ASTN2: variants seen among roughly 807,000 people sequenced by gnomAD.
ASTN2 encodes astrotactin-2.
Under a neutral mutation model 139.8 loss-of-function variants are expected in ASTN2, and 54 were observed. The ratio of observed to expected loss-of-function variants is 0.39; its 90% CI spans 0.31 to 0.48. The LOEUF is 0.48. Among genes scored for constraint, ASTN2 ranks in the 20% least tolerant of loss-of-function variants. The pLI is 0.95. For missense variants in ASTN2, 1,565 were observed against 1,725.1 expected, an observed-to-expected ratio of 0.91 and a Z score of 1.64; for synonymous variants, 756 against 719.5, an observed-to-expected ratio of 1.05 and a Z score of -0.81.
At chr9:117,316,964 G>A (rs970078047) in intron 1 of ASTN2, among the ~76,000 whole-genome samples, 6 of 152,260 alleles carry the variant, frequency 3.9e-5, no homozygotes, top group African/African-American at 1.4e-4. Context: ...TATAAATGGA[G>A]AGCCCTCTGG....
intron 19 of ASTN2, among the ~76,000 whole-genome samples, chr9:116,602,912 A>G (rs1485652232): frequency 6.6e-6 from 1 of 152,226 alleles, no homozygotes; most frequent in African/African-American, 2.4e-5. Flanking sequence ...CCTGGGTGAC[A>G]GAGCGAGACC....
chr9:117,085,346 G>A (rs944983), intron 5 of ASTN2, among the ~76,000 whole-genome samples: 21,718 of 152,156 alleles, frequency 0.14, 1,617 homozygotes, highest in Middle Eastern at 0.19. Flanking sequence ...CTCCCAGCAA[G>A]AGCAAGCAGC....
intron 11 of ASTN2, among the ~76,000 whole-genome samples, chr9:116,833,435 C>CT (rs11288397): frequency 1.1e-3 from 158 of 138,916 alleles, no homozygotes; most frequent in South Asian, 0.011. Context: ...TTATTTTGCT[C>CT]TTTTTTTTTT....
chr9:117,071,882 G>A (rs1045014239), intron 5 of ASTN2, among the ~76,000 whole-genome samples: 11 of 152,104 alleles, frequency 7.2e-5, no homozygotes, highest in Non-Finnish European at 1.3e-4. Flanking sequence ...CGCACCGTGC[G>A]CGCACCCACT....
rs542090224 is a variant in ASTN2, at chr9:117,370,904, C to T, written c.442+43593G>A. Among the ~76,000 whole-genome samples, 20 of 152,172 alleles carry T rather than the reference C, an allele frequency of 1.3e-4. 1 individual carries two copies. The highest frequency in any genetic ancestry group is 6.8e-3 in the Middle Eastern group (2 of 294). On this transcript the variant is annotated intron_variant, in intron 1 of 22. Transcript: ENST00000313400. ...CTTAAATTCTACATTATCAAATGCC[C>T]CCAACAATCCCAAGGGAGGGCAAAA...
At chr9:117,256,906 G>T (rs1469014519) in intron 2 of ASTN2, among the ~76,000 whole-genome samples, 1 of 151,914 alleles carries the variant, frequency 6.6e-6, no homozygotes. Context: ...TTAAGAAATT[G>T]TTAAAGACAC....
intron 5 of ASTN2, among the ~76,000 whole-genome samples, chr9:117,041,166 G>C (rs1435899269): frequency 1.3e-5 from 2 of 152,154 alleles, no homozygotes; most frequent in Non-Finnish European, 2.9e-5. Flanking sequence ...TTCTATGGAG[G>C]CTGTCTTGAG....
chr9:117,011,659 C>T (rs1286033679), intron 6 of ASTN2, among the ~76,000 whole-genome samples: 2 of 152,122 alleles, frequency 1.3e-5, no homozygotes, highest in African/African-American at 4.8e-5. Context: ...CTTTGAATGT[C>T]CTCTGCTCAT....
intron 22 of ASTN2, among the ~76,000 whole-genome samples, chr9:116,429,345 A>G (rs1475637249): frequency 6.8e-6 from 1 of 147,078 alleles, no homozygotes; most frequent in East Asian, 2.8e-4. Flanking sequence ...ATCTGAAAAA[A>G]AAAAAAAAAA....
chr9:117,045,221 G>C (rs1220523896), intron 5 of ASTN2, among the ~76,000 whole-genome samples: 1 of 145,310 alleles, frequency 6.9e-6, no homozygotes, highest in Non-Finnish European at 1.5e-5. Context: ...TTTCAGAGCT[G>C]ATGTGAGGAC....
chr9:117,092,587 A>G (rs1475466797), intron 5 of ASTN2, among the ~76,000 whole-genome samples: 2 of 152,162 alleles, frequency 1.3e-5, no homozygotes, highest in Non-Finnish European at 2.9e-5. Context: ...CTCAGCTCCT[A>G]TTTTTCAGAT....
intron 3 of ASTN2, among the ~76,000 whole-genome samples, chr9:117,150,496 C>T (rs890358504): frequency 1.3e-5 from 2 of 152,128 alleles, no homozygotes; most frequent in Admixed American, 1.3e-4. Flanking sequence ...ACTTCATTAC[C>T]ACCTTGATAG....
intron 10 of ASTN2, among the ~76,000 whole-genome samples, chr9:116,909,464 G>T (rs1834255842): frequency 6.6e-6 from 1 of 152,240 alleles, no homozygotes; most frequent in East Asian, 1.9e-4. Context: ...TCAATTTCCA[G>T]TGTAGGGAAA....
At chr9:117,060,467 A>G (rs1299351482) in intron 5 of ASTN2, among the ~76,000 whole-genome samples, 1 of 101,548 alleles carries the variant, frequency 9.8e-6, no homozygotes, top group Non-Finnish European at 2.0e-5. Flanking sequence ...AAAGGAAGGA[A>G]GGAAGGAAGG....
At chr9:116,639,555 A>T (rs1857231891) in intron 17 of ASTN2, among the ~76,000 whole-genome samples, 1 of 152,166 alleles carries the variant, frequency 6.6e-6, no homozygotes, top group Non-Finnish European at 1.5e-5. Flanking sequence ...ACCTAAGAAG[A>T]GCTCCCTGTG....
At chr9:117,159,392 G>A (rs2132897273) in intron 3 of ASTN2, among the ~76,000 whole-genome samples, 1 of 152,116 alleles carries the variant, frequency 6.6e-6, no homozygotes, top group South Asian at 2.1e-4. Flanking sequence ...AAGAAAAAGT[G>A]TTGGAGTCTA....
intron 1 of ASTN2, among the ~76,000 whole-genome samples, chr9:117,353,350 T>C (rs1432239370): frequency 1.3e-5 from 2 of 152,184 alleles, no homozygotes; most frequent in African/African-American, 4.8e-5. Flanking sequence ...GGAAATGTGT[T>C]ACATCTGTAC....
chr9:116,842,804 C>G (rs891399133), intron 11 of ASTN2, among the ~76,000 whole-genome samples: 5 of 152,016 alleles, frequency 3.3e-5, no homozygotes, highest in Non-Finnish European at 7.4e-5. Flanking sequence ...TAATGAAGGA[C>G]AGCAGCTGCA....
intron 7 of ASTN2, among the ~76,000 whole-genome samples, chr9:116,991,207 G>GTC (rs1325256076): frequency 3.3e-5 from 5 of 152,246 alleles, no homozygotes; most frequent in Admixed American, 2.0e-4. Flanking sequence ...CTTCTATTCA[G>GTC]AGGCCTTTAG....
Sources: allele counts gnomAD v4.1 joint callset (sites outside exome capture counted in the v4.1 genomes callset), GRCh38; gene constraint gnomAD v4.1.1; transcripts MANE v1.5; gene names NCBI Gene and HGNC (gene_info 2026-07-23, HGNC 2026-07-21).